The following MRTFB variants were observed in gnomAD, a reference collection of about 807,000 sequenced individuals.
MRTFB encodes the protein myocardin related transcription factor B.
Under a neutral mutation model 104.2 loss-of-function variants are expected in MRTFB, and 29 were observed. The observed-to-expected ratio is 0.28, with a 90% CI of 0.21 to 0.38. The LOEUF (loss-of-function observed/expected upper bound fraction) is 0.38, where lower values mean the gene tolerates loss of function less well. MRTFB is among the 10% of genes least tolerant of loss of function. The pLI, the probability that MRTFB is intolerant of heterozygous loss-of-function variation, is 1.00. For missense variants in MRTFB, 1,270 were observed against 1,341.6 expected, an observed-to-expected ratio of 0.95 and a Z score of 0.83; for synonymous variants, 535 against 519.5, an observed-to-expected ratio of 1.03 and a Z score of -0.41.
intron 8 of MRTFB, among the ~76,000 whole-genome samples, chr16:14,224,167 G>A (rs2041887205): frequency 6.6e-6 from 1 of 152,138 alleles, no homozygotes; most frequent in African/African-American, 2.4e-5. Flanking sequence ...ACTATCATGA[G>A]AACAGAAAGG....
At chr16:14,029,026 C>G in the MRTFB span, among the ~76,000 whole-genome samples, 1 of 151,354 alleles carries the variant, frequency 6.6e-6, no homozygotes, top group Non-Finnish European at 1.5e-5. Context: ...GGATCTTAAA[C>G]GGTAACCAGA....
chr16:14,132,147 ATTATG>A lies in MRTFB; in HGVS notation c.-63-8393_-63-8389del, dbSNP rs956479686. ...GACAGTATAGAGGAATCTTGAAAATATTATGTTAAGTGAAAGAAAATACACACAAA... is the reference window on the plus strand; with the variant it reads ...GACAGTATAGAGGAATCTTGAAAATATTAAGTGAAAGAAAATACACACAAA... On this transcript the variant is annotated intron_variant, in intron 2 of 16. Coordinates refer to ENST00000571589, the MANE Select transcript of MRTFB (RefSeq NM_001308142.2). Among the ~76,000 whole-genome samples, 4 of 152,232 alleles carry A rather than the reference ATTATG, an allele frequency of 2.6e-5. 1 individual carries two copies. The highest frequency in any genetic ancestry group is 6.5e-5 in the Admixed American group (1 of 15,276).
intron 2 of MRTFB, among the ~76,000 whole-genome samples, chr16:14,124,628 A>C (rs182219671): frequency 4.4e-4 from 67 of 152,244 alleles, no homozygotes; most frequent in African/African-American, 1.6e-3. Flanking sequence ...CTCGTGGTGG[A>C]TGAGCTTTTT....
At chr16:14,227,761 T>G (rs1296542728) in intron 8 of MRTFB, among the ~76,000 whole-genome samples, 45 of 152,076 alleles carry the variant, frequency 3.0e-4, no homozygotes, top group Admixed American at 2.9e-3. Context: ...CCAACTGCCT[T>G]GGCCTCCCAA....
intron 13 of MRTFB, among the ~76,000 whole-genome samples, chr16:14,250,314 G>T (rs2043202172): frequency 6.6e-6 from 1 of 152,138 alleles, no homozygotes; most frequent in South Asian, 2.1e-4. Flanking sequence ...GAATATTAGT[G>T]GTATAGAACG....
chr16:14,143,295 C>T (rs879303049), intron 3 of MRTFB: 1 of 150,246 alleles, frequency 6.7e-6, no homozygotes, highest in African/African-American at 2.4e-5. Context: ...TAACTTAAAA[C>T]TTAACCACAG....
intron 10 of MRTFB, among the ~76,000 whole-genome samples, chr16:14,243,424 G>A (rs1027006311): frequency 2.0e-5 from 3 of 152,212 alleles, no homozygotes; most frequent in African/African-American, 7.2e-5. Flanking sequence ...GTTTCAGAAT[G>A]TGGAATTCCA....
intron 2 of MRTFB, among the ~76,000 whole-genome samples, chr16:14,101,210 T>A (rs2035687512): frequency 6.6e-6 from 1 of 151,610 alleles, no homozygotes; most frequent in Admixed American, 6.6e-5. Context: ...CTGTTTCCTC[T>A]CTAAGACATA....
In MRTFB at chr16:14,188,671, A is replaced by G. The variant is rs186103599; in HGVS notation, c.155-21572A>G. Among the ~76,000 whole-genome samples the G allele has an allele frequency of 2.6e-5, 4 of 152,246 alleles. No individual in the cohort carries two copies. The East Asian group carries it at 7.7e-4, about 29-fold the overall frequency. On this transcript the variant is annotated intron_variant, in intron 3 of 16. Coordinates refer to ENST00000571589, the MANE Select transcript of MRTFB (RefSeq NM_001308142.2). ...CTTGAGTTCAAATCCTACATGCACC[A>G]TTTACCGGGTCTGTGATCCTGGACA...
At chr16:14,024,632 A>G in the MRTFB span, among the ~76,000 whole-genome samples, 154 of 152,368 alleles carry the variant, frequency 1.0e-3, no homozygotes, top group Non-Finnish European at 1.3e-3. Flanking sequence ...TGCATTCTTC[A>G]TAATACCAAA....
At chr16:14,241,848 CAG>C (rs973827484) in intron 10 of MRTFB, among the ~76,000 whole-genome samples, 17 of 152,000 alleles carry the variant, frequency 1.1e-4, no homozygotes, top group East Asian at 9.7e-4. Flanking sequence ...GGAAGGGAAT[CAG>C]GGGATACCAA....
intron 2 of MRTFB, among the ~76,000 whole-genome samples, chr16:14,117,528 G>A (rs1358618720): frequency 6.6e-6 from 1 of 152,212 alleles, no homozygotes; most frequent in East Asian, 1.9e-4. Flanking sequence ...AAGTTCAATG[G>A]AGAAAGGGAC....
At chr16:14,119,128 T>C (rs1421808835) in intron 2 of MRTFB, among the ~76,000 whole-genome samples, 1 of 152,216 alleles carries the variant, frequency 6.6e-6, no homozygotes, top group East Asian at 1.9e-4. Flanking sequence ...GAACAGTTTG[T>C]GAATCGGGCA....
At chr16:14,100,083 G>T (rs1443887591) in intron 2 of MRTFB, among the ~76,000 whole-genome samples, 1 of 152,192 alleles carries the variant, frequency 6.6e-6, no homozygotes, top group Non-Finnish European at 1.5e-5. Flanking sequence ...CTGAGTGCCT[G>T]TTACTTATTT....
the MRTFB span, among the ~76,000 whole-genome samples, chr16:14,066,308 CTG>C: frequency 1.3e-5 from 2 of 151,710 alleles, no homozygotes; most frequent in Non-Finnish European, 2.9e-5. Flanking sequence ...GAGTCTCACT[CTG>C]TTGCCCAGGC....
At chr16:13,997,358 C>T in the MRTFB span, among the ~76,000 whole-genome samples, 2 of 152,058 alleles carry the variant, frequency 1.3e-5, no homozygotes, top group Non-Finnish European at 2.9e-5. Context: ...GAGCCAATCC[C>T]TTCAGCAGAG....
intron 2 of MRTFB, among the ~76,000 whole-genome samples, chr16:14,106,904 C>G (rs1859235465): frequency 6.6e-6 from 1 of 152,138 alleles, no homozygotes; most frequent in African/African-American, 2.4e-5. Context: ...ATTGTATGTT[C>G]AAGTGTGCTA....
At position 14,090,212 on chromosome 16, in the gene MRTFB, T is replaced by G. The variant is rs151020501; in HGVS notation, c.-64+10858T>G. The stretch of plus-strand genomic sequence containing the variant: ...ATTCTCTCTCTGTTGGAAATTTTCT[T>G]TATTTCTAGACATCTCCCATTTAAA... On this transcript the variant is annotated intron_variant, in intron 2 of 16. Coordinates refer to ENST00000571589, the MANE Select transcript of MRTFB (RefSeq NM_001308142.2). 6.8e-4 allele frequency among the ~76,000 whole-genome samples: 103 copies of G among 152,328 alleles called. No individual in the cohort carries two copies. In the East Asian group the frequency reaches 0.014, roughly 21 times the overall value.
chr16:14,174,891 G>C (rs539141450), intron 3 of MRTFB, among the ~76,000 whole-genome samples: 39 of 152,272 alleles, frequency 2.6e-4, no homozygotes, highest in African/African-American at 8.9e-4. Context: ...GTTATTACAG[G>C]TGGGATTTAT....
Sources: allele counts gnomAD v4.1 joint callset (sites outside exome capture counted in the v4.1 genomes callset), GRCh38; gene constraint gnomAD v4.1.1; transcripts MANE v1.5; gene names NCBI Gene and HGNC (gene_info 2026-07-23, HGNC 2026-07-21).